DIS3L2: variants seen among roughly 807,000 people sequenced by gnomAD.
The protein encoded by DIS3L2 is DIS3 like 3'-5' exoribonuclease 2.
Under a neutral mutation model 97.5 loss-of-function variants are expected in DIS3L2, and 34 were observed. The observed-to-expected ratio is 0.35, with a 90% CI of 0.27 to 0.46. The LOEUF (loss-of-function observed/expected upper bound fraction) is 0.46. Among genes scored for constraint, DIS3L2 ranks in the 20% least tolerant of loss-of-function variants. DIS3L2 has a pLI of 1.00. For synonymous variants in DIS3L2, 435 were observed against 445.2 expected, an observed-to-expected ratio of 0.98 and a Z score of 0.29; for missense variants, 1,038 against 1,146.0, an observed-to-expected ratio of 0.91 and a Z score of 1.36.
chr2:231,988,436 A>G (rs1414910634), intron 1 of DIS3L2, among the ~76,000 whole-genome samples: 1 of 152,266 alleles, frequency 6.6e-6, no homozygotes, highest in Non-Finnish European at 1.5e-5. Flanking sequence ...AAGTTGACTT[A>G]GAGGTCATCA....
At chr2:232,263,022 C>T (rs1006340531) in intron 12 of DIS3L2, among the ~76,000 whole-genome samples, 185 bp from the exon 13 acceptor site, 4 of 152,188 alleles carry the variant, frequency 2.6e-5, no homozygotes, top group Admixed American at 6.5e-5. Context: ...AGACTAAGCT[C>T]CCTGAGGGCA....
intron 1 of DIS3L2, among the ~76,000 whole-genome samples, chr2:231,978,271 A>T (rs1039848625): frequency 1.3e-5 from 2 of 152,218 alleles, no homozygotes; most frequent in Non-Finnish European, 1.5e-5. Flanking sequence ...GCCATTGAAG[A>T]TCTCCGTGCC....
At chr2:232,028,696 C>T (rs1009033690) in intron 4 of DIS3L2, among the ~76,000 whole-genome samples, 1 of 152,154 alleles carries the variant, frequency 6.6e-6, no homozygotes, top group Admixed American at 6.5e-5. Flanking sequence ...GTTTGAATTG[C>T]AAAAGGCAGC....
intron 8 of DIS3L2, among the ~76,000 whole-genome samples, chr2:232,145,787 A>T (rs1690200458): frequency 6.6e-6 from 1 of 152,194 alleles, no homozygotes; most frequent in Non-Finnish European, 1.5e-5. Context: ...TCTAATAGGT[A>T]CAAAGCATTA....
intron 5 of DIS3L2, among the ~76,000 whole-genome samples, chr2:232,082,866 G>A (rs545521352): frequency 6.6e-6 from 1 of 152,260 alleles, no homozygotes; most frequent in South Asian, 2.1e-4. Flanking sequence ...ACCAGGACTA[G>A]GCAATTTACA....
chr2:232,222,480 T>G (rs1309864893), intron 10 of DIS3L2, among the ~76,000 whole-genome samples: 1 of 152,104 alleles, frequency 6.6e-6, no homozygotes, highest in Admixed American at 6.5e-5. Flanking sequence ...GTGAACAATT[T>G]TTTTTTTTAA....
chr2:232,252,081 A>G (rs1693434544), intron 12 of DIS3L2, among the ~76,000 whole-genome samples: 1 of 152,252 alleles, frequency 6.6e-6, no homozygotes, highest in Admixed American at 6.5e-5. Context: ...TCCCTGTCAC[A>G]GCTACTACAC....
intron 13 of DIS3L2, among the ~76,000 whole-genome samples, chr2:232,278,472 C>G (rs535279388): frequency 6.6e-6 from 1 of 152,324 alleles, no homozygotes; most frequent in Middle Eastern, 3.4e-3. Context: ...GTCAGTTCCT[C>G]TTCCCTAGCC....
chr2:231,978,427 T>C (rs1373130789), intron 1 of DIS3L2: 4 of 152,238 alleles, frequency 2.6e-5, no homozygotes, highest in Non-Finnish European at 5.9e-5. Flanking sequence ...GTGATTTGCT[T>C]TTTTCCCATA....
At chr2:232,165,152 A>G (rs1690767172) in intron 9 of DIS3L2, among the ~76,000 whole-genome samples, 1 of 152,370 alleles carries the variant, frequency 6.6e-6, no homozygotes, top group South Asian at 2.1e-4. Context: ...GCTAATGTCC[A>G]TTAATAAAGG....
In DIS3L2 at chr2:232,130,488, G is replaced by A. The variant is rs538368984; in HGVS notation, c.602-131G>A. 87 of 1,082,130 alleles carry A rather than the reference G, an allele frequency of 8.0e-5. No homozygotes were observed. The African/African-American group carries it at 1.2e-3, about 15-fold the overall frequency. 67.0% of individuals were successfully genotyped at this position (1,082,130 alleles called of 1,614,324 possible). On this transcript the variant is annotated intron_variant, in intron 6 of 20. Transcript: ENST00000325385. ...TGTGACAGGTCCACTGGCGGCCTGG[G>A]GTTCTTCTGTAAAGTGAGTAGTTTG...
chr2:232,266,094 T>G (rs1383956437), intron 13 of DIS3L2, among the ~76,000 whole-genome samples: 1 of 152,194 alleles, frequency 6.6e-6, no homozygotes, highest in Non-Finnish European at 1.5e-5. Context: ...ACCCCACCAG[T>G]TTGTTGCAAA....
chr2:232,229,725 G>C (rs1692741327), intron 10 of DIS3L2, among the ~76,000 whole-genome samples: 1 of 152,206 alleles, frequency 6.6e-6, no homozygotes, highest in Non-Finnish European at 1.5e-5. Context: ...ATTGCTGTGT[G>C]GGCAGTTTAG....
intron 1 of DIS3L2, among the ~76,000 whole-genome samples, chr2:232,001,860 C>T (rs1292091941): frequency 6.6e-6 from 1 of 151,724 alleles, no homozygotes; most frequent in Non-Finnish European, 1.5e-5. Context: ...GCTGGGATTA[C>T]AGGCATGTGC....
At chr2:232,005,475 A>C (rs549230631) in intron 1 of DIS3L2, among the ~76,000 whole-genome samples, 1 of 152,180 alleles carries the variant, frequency 6.6e-6, no homozygotes, top group African/African-American at 2.4e-5. Flanking sequence ...GGCGCAGCCT[A>C]TGGAATTTGT....
intron 1 of DIS3L2, among the ~76,000 whole-genome samples, chr2:232,011,199 G>A (rs1694188203): frequency 1.3e-5 from 2 of 152,166 alleles, no homozygotes; most frequent in Admixed American, 6.5e-5. Context: ...GTTGGGCAGT[G>A]TATCAGTGGC....
rs142328538 is a variant in DIS3L2 at position 232,230,585 on chromosome 2, C to T, written c.1205-7948C>T. ...ACAGGAAGTCCAACATCTGTTCTAT[C>T]TGTCAAGGTGTCCAGCAGGTTGTAC... is the stretch of plus-strand genomic sequence containing the variant. On this transcript the variant is annotated intron_variant, in intron 10 of 20. Transcript: ENST00000325385. Among the ~76,000 whole-genome samples the T allele has an allele frequency of 3.2e-3, 487 of 152,318 alleles. 3 individuals carry two copies. Among genetic ancestry groups the T allele is most frequent in the African/African-American group, 0.011 (442 of 41,572 alleles).
At chr2:232,169,408 G>C (rs1163780158) in intron 9 of DIS3L2, among the ~76,000 whole-genome samples, 2 of 151,966 alleles carry the variant, frequency 1.3e-5, no homozygotes, top group Admixed American at 1.3e-4. Flanking sequence ...AGACAACCAA[G>C]GGCCAGCCCC....
intron 14 of DIS3L2, among the ~76,000 whole-genome samples, chr2:232,301,278 G>A (rs941260387): frequency 6.6e-6 from 1 of 152,198 alleles, no homozygotes; most frequent in Non-Finnish European, 1.5e-5. Context: ...GGAGAGAATA[G>A]AAGGAAAACA....
Sources: allele counts gnomAD v4.1 joint callset (sites outside exome capture counted in the v4.1 genomes callset), GRCh38; gene constraint gnomAD v4.1.1; transcripts MANE v1.5; gene names NCBI Gene and HGNC (gene_info 2026-07-23, HGNC 2026-07-21).